The following DCHS2 variants were observed in gnomAD, a reference collection of about 807,000 sequenced individuals.
DCHS2 encodes dachsous cadherin-related 2.
A neutral mutation model predicts 182.4 loss-of-function variants in DCHS2; 142 were observed. The observed-to-expected ratio is 0.78, with a 90% CI of 0.68 to 0.89. The LOEUF (loss-of-function observed/expected upper bound fraction) is 0.89, where lower values mean the gene tolerates loss of function less well. DCHS2 is among the 40% of genes least tolerant of loss of function. DCHS2 has a pLI of 0.00. For missense variants in DCHS2, 4,319 were observed against 4,198.6 expected, an observed-to-expected ratio of 1.03 and a Z score of -0.79; for synonymous variants, 1,740 against 1,663.3, an observed-to-expected ratio of 1.05 and a Z score of -1.12.
At chr4:154,435,932 G>A (rs906563415) in intron 1 of DCHS2, among the ~76,000 whole-genome samples, 1 of 152,206 alleles carries the variant, frequency 6.6e-6, no homozygotes, top group Admixed American at 6.5e-5. Context: ...GTGGAAAGTA[G>A]GATAGCTAAG....
intron 2 of DCHS2, among the ~76,000 whole-genome samples, chr4:154,375,237 A>T: frequency 6.6e-6 from 1 of 152,140 alleles, no homozygotes; most frequent in Non-Finnish European, 1.5e-5. Context: ...ACAATAAGAG[A>T]ACATCTTCAT....
chr4:154,379,349 T>C (rs1035874622), intron 1 of DCHS2, among the ~76,000 whole-genome samples: 3 of 152,116 alleles, frequency 2.0e-5, no homozygotes, highest in South Asian at 4.2e-4. Context: ...CAGTTATATG[T>C]CCCCAGCTTA....
At position 154,491,012 on chromosome 4, in the gene DCHS2, T is replaced by A. The variant is rs1341624414; in HGVS notation, c.344A>T (p.Asp115Val). Residue 115 changes from aspartate to valine, a missense_variant, in exon 1 of 20, where the codon GAC (aspartate) becomes GTC (valine). Asp to Val is a radical substitution (Grantham distance 152, BLOSUM62 -3). Transcript: ENST00000357232. ...GCCGGTGTCCGGGTGCACGTGGAAG[T>A]CGTCCAGCAGCGGGGAGTCATCGGA... ...EDSDDSPLLD[D>V]FHVHPDTGII... is the part of the protein sequence containing the mutation. 6.4e-7 allele frequency: 1 copy of A among 1,550,570 alleles called. No individual in the cohort carries two copies. Among genetic ancestry groups the A allele is most frequent in the South Asian group, 1.2e-5 (1 of 84,010 alleles).
At chr4:154,343,540 C>A (rs1365585421) in intron 3 of DCHS2, 1 of 1,525,854 alleles carries the variant, frequency 6.6e-7, no homozygotes, top group Non-Finnish European at 8.8e-7. Flanking sequence ...GCTGCTTCAT[C>A]TTGCACTTTT....
chr4:154,282,290 G>T (rs1578907375), intron 13 of DCHS2, among the ~76,000 whole-genome samples: 2 of 151,950 alleles, frequency 1.3e-5, no homozygotes, highest in East Asian at 1.9e-4. Flanking sequence ...TCTGATGAGA[G>T]GTTAATATCC....
At chr4:154,329,759 A>T in intron 5 of DCHS2, 49 bp from the exon 6 acceptor site, 1 of 1,536,334 alleles carries the variant, frequency 6.5e-7, no homozygotes, top group Non-Finnish European at 8.9e-7. Flanking sequence ...TACCAGGCGC[A>T]CCAGGGCCAG....
intron 1 of DCHS2, among the ~76,000 whole-genome samples, chr4:154,483,049 C>A (rs1021502506): frequency 1.3e-5 from 2 of 152,164 alleles, no homozygotes; most frequent in Non-Finnish European, 2.9e-5. Flanking sequence ...TAAGTAGACT[C>A]TATTATCACT....
At chr4:154,385,921 A>G (rs895180547) in intron 1 of DCHS2, among the ~76,000 whole-genome samples, 7 of 152,002 alleles carry the variant, frequency 4.6e-5, no homozygotes, top group African/African-American at 1.4e-4. Context: ...TGACTCCCCA[A>G]TTCTAAATCT....
chr4:154,366,776 C>T (rs560277317), intron 2 of DCHS2, among the ~76,000 whole-genome samples: 1 of 152,232 alleles, frequency 6.6e-6, no homozygotes, highest in Admixed American at 6.5e-5. Context: ...AATGAGATTT[C>T]CACTTAGAGC....
intron 13 of DCHS2, among the ~76,000 whole-genome samples, chr4:154,280,127 A>G (rs1051608254): frequency 6.6e-6 from 1 of 152,074 alleles, no homozygotes; most frequent in African/African-American, 2.4e-5. Flanking sequence ...GATAACCTAG[A>G]TGAAATGGAT....
At chr4:154,419,478 C>T (rs1225688195) in intron 1 of DCHS2, among the ~76,000 whole-genome samples, 1 of 151,666 alleles carries the variant, frequency 6.6e-6, no homozygotes, top group Non-Finnish European at 1.5e-5. Context: ...TGGTGAAACC[C>T]CATCTCTACT....
At chr4:154,487,482 CATTTCATCAGCA>C (rs1418721005) in intron 1 of DCHS2, among the ~76,000 whole-genome samples, 1 of 152,152 alleles carries the variant, frequency 6.6e-6, no homozygotes, top group Non-Finnish European at 1.5e-5. Context: ...TGGATTTGTC[CATTTCATCAGCA>C]AGCATTAATT....
chr4:154,309,006 C>A (rs1217830422), intron 10 of DCHS2, among the ~76,000 whole-genome samples: 1 of 152,166 alleles, frequency 6.6e-6, no homozygotes, highest in African/African-American at 2.4e-5. Context: ...TTACCACAGT[C>A]CACAAAGTCC....
chr4:154,239,108 A>G, intron 19 of DCHS2, 62 bp downstream of exon 19: 1 of 1,562,452 alleles, frequency 6.4e-7, no homozygotes, highest in South Asian at 1.2e-5. Context: ...AGAAAGGGTT[A>G]TTTCAGGTTT....
At chr4:154,237,363 A>G (rs567530015) in intron 19 of DCHS2, 1 of 699,350 alleles carries the variant, frequency 1.4e-6, no homozygotes, top group African/African-American at 1.8e-5. Context: ...AATAATATTC[A>G]TGACATTCAC....
At chr4:154,285,954 C>T (rs756011032) in intron 13 of DCHS2, among the ~76,000 whole-genome samples, 2 of 152,132 alleles carry the variant, frequency 1.3e-5, no homozygotes, top group African/African-American at 4.8e-5. Flanking sequence ...TGACCCAGTG[C>T]AGTCCCAGTG....
intron 13 of DCHS2, among the ~76,000 whole-genome samples, chr4:154,273,782 CA>C (rs1193256703): frequency 6.0e-5 from 4 of 67,212 alleles, no homozygotes; most frequent in Non-Finnish European, 1.4e-4. Flanking sequence ...CCCAATCTTG[CA>C]ATGCCTGTGC....
At chr4:154,319,248 A>G (rs1735964793) in intron 9 of DCHS2, among the ~76,000 whole-genome samples, 1 of 152,168 alleles carries the variant, frequency 6.6e-6, no homozygotes, top group South Asian at 2.1e-4. Context: ...AGGTCCTACA[A>G]GGAAACACAG....
chr4:154,452,195 C>T (rs901603402), intron 1 of DCHS2, among the ~76,000 whole-genome samples: 1 of 152,158 alleles, frequency 6.6e-6, no homozygotes, highest in African/African-American at 2.4e-5. Flanking sequence ...TAGTTCCACA[C>T]AATTTCTACA....
Sources: allele counts gnomAD v4.1 joint callset (sites outside exome capture counted in the v4.1 genomes callset), GRCh38; gene constraint gnomAD v4.1.1; transcripts MANE v1.5; gene names NCBI Gene and HGNC (gene_info 2026-07-23, HGNC 2026-07-21).